The following ITSN1 variants were observed in gnomAD, a reference collection of about 807,000 sequenced individuals.
ITSN1 encodes the protein intersectin-1.
In ITSN1, 58 loss-of-function variants were observed where a neutral mutation model predicts 239.8. The observed-to-expected ratio is 0.24, with a 90% confidence interval of 0.20 to 0.30. The LOEUF (loss-of-function observed/expected upper bound fraction) is 0.30. ITSN1 is among the 10% of genes least tolerant of loss of function. The probability of loss-of-function intolerance (pLI) is 1.00; values close to 1 mark genes in which losing one functional copy is unlikely to be tolerated. For missense variants in ITSN1, 1,558 were observed against 2,103.3 expected, an observed-to-expected ratio of 0.74 and a Z score of 5.07; for synonymous variants, 780 against 770.8, an observed-to-expected ratio of 1.01 and a Z score of -0.20.
Position 33,761,967 on chromosome 21 carries a change from G to T in ITSN1, c.769G>T (p.Ala257Ser). The change falls in exon 9 of 40, where the codon GCT becomes TCT. Residue 257 changes from alanine (A) to serine (S), a missense_variant. This residue lies in a region of ITSN1 where 982 missense variants were observed against 1,209.9 expected (regional missense o/e 0.81). Transcript: ENST00000381318. The part of the protein sequence containing the change: ...TILMQSSLPQ[A>S]QLASIWNLSD... ...TCTTATGCAGTCAAGTTTACCACAGGCTCAGCTGGCTTCAATATGGTAAGG... is the reference window on the plus strand; with the variant it reads ...TCTTATGCAGTCAAGTTTACCACAGTCTCAGCTGGCTTCAATATGGTAAGG... 1 of 1,613,390 alleles carries T rather than the reference G, an allele frequency of 6.2e-7. No homozygotes were observed. Among genetic ancestry groups the T allele is most frequent in the Non-Finnish European group, 8.5e-7 (1 of 1,179,346 alleles).
In ITSN1 at chr21:33,856,775, C is replaced by A. The variant is rs1275928791; in HGVS notation, c.3701C>A (p.Thr1234Asn). 1.2e-6 allele frequency: 2 copies of A among 1,613,918 alleles called. No homozygotes were observed. Among genetic ancestry groups the A allele is most frequent in the African/African-American group, 2.7e-5 (2 of 74,878 alleles). The change falls in exon 30 of 40, where the codon ACT becomes AAT. Residue 1234 changes from threonine (T) to asparagine (N), a missense_variant. Thr to Asn is a moderately conservative substitution (Grantham distance 65). Around this residue, in one of 2 missense-constraint regions of ITSN1, gnomAD observed 576 missense variants for 893.3 expected, o/e 0.64. Coordinates refer to ENST00000381318, the MANE Select transcript of ITSN1 (RefSeq NM_003024.3). ...CATCTCTTGGATATGTTGACCCCAA[C>A]TGAAAGAAAGCGACAAGGATACATC... ...DLHLLDMLTP[T>N]ERKRQGYIHE... is the part of the protein sequence containing the mutation.
At chr21:33,658,285 CA>C (rs2089260856) in intron 1 of ITSN1, among the ~76,000 whole-genome samples, 1 of 152,098 alleles carries the variant, frequency 6.6e-6, no homozygotes, top group Non-Finnish European at 1.5e-5. Flanking sequence ...CTTACTGTCT[CA>C]GGGGTGACAA....
At position 33,888,545 on chromosome 21, in the gene ITSN1, C is replaced by G. The variant is rs1004111425; in HGVS notation, c.*245C>G. 9 of 403,808 alleles carry G rather than the reference C, an allele frequency of 2.2e-5. No individual in the cohort carries two copies. Among genetic ancestry groups the G allele is most frequent in the Admixed American group, 4.1e-5 (1 of 24,388 alleles). 25.0% of individuals were successfully genotyped at this position (403,808 alleles called of 1,614,324 possible). On this transcript the variant is annotated 3_prime_UTR_variant, in exon 40 of 40. Transcript: ENST00000381318. The stretch of plus-strand genomic sequence containing the variant: ...GTCCTCACTACAGGTCTCATTATGG[C>G]TTCTAGGGTCGCTGAAATCCCATAG...
At chr21:33,732,086 T>G (rs2066222877) in intron 4 of ITSN1, among the ~76,000 whole-genome samples, 1 of 152,292 alleles carries the variant, frequency 6.6e-6, no homozygotes, top group Non-Finnish European at 1.5e-5. Context: ...GGCATTTCAT[T>G]GAAAGAGTTA....
chr21:33,778,128 C>G, intron 14 of ITSN1, among the ~76,000 whole-genome samples: 1 of 152,210 alleles, frequency 6.6e-6, no homozygotes, highest in Non-Finnish European at 1.5e-5. Flanking sequence ...ATAAACCACT[C>G]TTGGTCATGG....
At chr21:33,877,306 A>G (rs1336733868) in intron 34 of ITSN1, among the ~76,000 whole-genome samples, 1 of 152,036 alleles carries the variant, frequency 6.6e-6, no homozygotes, top group Non-Finnish European at 1.5e-5. Flanking sequence ...CACCTGCCTC[A>G]GCCTCCCAAA....
chr21:33,883,351 G>C (rs990915123), intron 35 of ITSN1, among the ~76,000 whole-genome samples, 199 bp from the exon 36 acceptor site: 21 of 152,134 alleles, frequency 1.4e-4, no homozygotes, highest in Non-Finnish European at 2.8e-4. Flanking sequence ...CCTTAGTCTG[G>C]TTTACTGGAA....
chr21:33,756,113 C>T (rs1447540845), intron 8 of ITSN1, among the ~76,000 whole-genome samples: 1 of 151,746 alleles, frequency 6.6e-6, no homozygotes. Flanking sequence ...AGTTCAAGAC[C>T]AGCCTGGCCA....
intron 7 of ITSN1, among the ~76,000 whole-genome samples, chr21:33,752,465 C>T (rs1454397314): frequency 2.0e-5 from 3 of 152,134 alleles, no homozygotes; most frequent in African/African-American, 4.8e-5. Context: ...GCTGACATGA[C>T]ATTATTGCTT....
At position 33,791,869 on chromosome 21, in the gene ITSN1, A is replaced by G. The variant is rs546760885; in HGVS notation, c.1825-2472A>G. 3.9e-5 allele frequency among the ~76,000 whole-genome samples: 6 copies of G among 152,308 alleles called. No individual in the cohort carries two copies. The East Asian group carries it at 1.2e-3, about 29-fold the overall frequency. Reference sequence around the variant, plus strand: ...ATGAAATAAGGACTTTTCTTTATTTAATATATAATCAGATTCCTGAACATC... The same window carrying G: ...ATGAAATAAGGACTTTTCTTTATTTGATATATAATCAGATTCCTGAACATC... On this transcript the variant is annotated intron_variant, in intron 16 of 39. Coordinates refer to ENST00000381318, the MANE Select transcript of ITSN1 (RefSeq NM_003024.3).
At chr21:33,650,021 T>A (rs1473333477) in intron 1 of ITSN1, among the ~76,000 whole-genome samples, 1 of 142,892 alleles carries the variant, frequency 7.0e-6, no homozygotes. Flanking sequence ...AGAGCGAGAC[T>A]CTGTCTCAGA....
chr21:33,725,885 A>C (rs1357101571), intron 4 of ITSN1, among the ~76,000 whole-genome samples: 2 of 152,242 alleles, frequency 1.3e-5, no homozygotes, highest in Admixed American at 1.3e-4. Context: ...TGCAGTGCAA[A>C]TTATGAGTTT....
At chr21:33,792,878 C>G (rs1444583387) in intron 16 of ITSN1, among the ~76,000 whole-genome samples, 6 of 152,106 alleles carry the variant, frequency 3.9e-5, no homozygotes, top group African/African-American at 1.4e-4. Context: ...TTCTTCCTTT[C>G]TTTTTCCTCC....
Position 33,713,365 on chromosome 21 carries a change from G to A in ITSN1, c.-32-5432G>A, listed in dbSNP as rs9974830. 9.9e-5 allele frequency among the ~76,000 whole-genome samples: 15 copies of A among 151,618 alleles called. No individual in the cohort carries two copies. The South Asian group carries it at 2.9e-3, about 30-fold the overall frequency. Reference sequence around the variant, plus strand: ...CGCCATTCTCCTGCCTCAGCCTCCCGAGTAGCTGGGACTACAGGCGCCCGC... The same window carrying A: ...CGCCATTCTCCTGCCTCAGCCTCCCAAGTAGCTGGGACTACAGGCGCCCGC... On this transcript the variant is annotated intron_variant, in intron 1 of 39. Transcript: ENST00000381318.
chr21:33,767,536 A>G (rs2068809842), intron 10 of ITSN1, among the ~76,000 whole-genome samples, 177 bp from the exon 11 acceptor site: 1 of 152,180 alleles, frequency 6.6e-6, no homozygotes, highest in Admixed American at 6.5e-5. Flanking sequence ...TGACATTCCA[A>G]TATTCATTAA....
At chr21:33,680,328 CT>C (rs757487423) in intron 1 of ITSN1, among the ~76,000 whole-genome samples, 4 of 147,520 alleles carry the variant, frequency 2.7e-5, no homozygotes, top group East Asian at 3.9e-4. Flanking sequence ...TCTTTCTTTT[CT>C]TTTTTCTTTT....
chr21:33,704,289 T>A (rs1461586500), intron 1 of ITSN1, among the ~76,000 whole-genome samples: 1 of 152,354 alleles, frequency 6.6e-6, no homozygotes, highest in East Asian at 1.9e-4. Context: ...ATTTTGTTTC[T>A]GTGATCTGCT....
rs970413466 is a variant in ITSN1, at chr21:33,890,278, G to A, written c.*1978G>A. ...GAAAAGTATTCAATGTGTAAATGGG[G>A]TAGTGTGGGTCACCATTCCGATCTC... On this transcript the variant is annotated 3_prime_UTR_variant, in exon 40 of 40. Transcript: ENST00000381318. 3 of 152,180 alleles carry A rather than the reference G, an allele frequency of 2.0e-5. No homozygotes were observed. The highest frequency in any genetic ancestry group is 4.4e-5 in the Non-Finnish European group (3 of 68,032). 9.4% of individuals were successfully genotyped at this position (152,180 alleles called of 1,614,324 possible). A position where few individuals can be genotyped will look rare whatever the true frequency, so the allele number is the denominator to read the frequency against.
chr21:33,813,938 C>T lies in ITSN1; in HGVS notation c.2593C>T (p.Pro865Ser). Reference sequence around the variant, plus strand: ...GTGGCCCACCAGCACGAATGAGAAACCAGAAACGGATAACTGGGATGCATG... The same window carrying T: ...GTGGCCCACCAGCACGAATGAGAAATCAGAAACGGATAACTGGGATGCATG... ...STWPTSTNEK[P>S]ETDNWDAWAA... Residue 865 changes from proline to serine, a missense_variant, in exon 22 of 40, where the codon CCA becomes TCA. Pro to Ser is a moderately conservative substitution (Grantham distance 74, BLOSUM62 -1). This residue lies in a region of ITSN1 where 982 missense variants were observed against 1,209.9 expected (regional missense o/e 0.81). Coordinates refer to ENST00000381318, the MANE Select transcript of ITSN1 (RefSeq NM_003024.3). The T allele has an allele frequency of 2.5e-6, 4 of 1,613,384 alleles. No individual in the cohort carries two copies. The highest frequency in any genetic ancestry group is 3.4e-6 in the Non-Finnish European group (4 of 1,179,894).
Sources: allele counts gnomAD v4.1 joint callset (sites outside exome capture counted in the v4.1 genomes callset), GRCh38; gene constraint gnomAD v4.1.1; regional missense constraint gnomAD v4.1.1; transcripts MANE v1.5; gene names NCBI Gene and HGNC (gene_info 2026-07-23, HGNC 2026-07-21).